The following TRHDE variants were observed in gnomAD, a reference collection of about 807,000 sequenced individuals.
TRHDE encodes the protein thyrotropin releasing hormone degrading enzyme, also known as thyrotropin-releasing hormone-degrading ectoenzyme.
In TRHDE, 72 loss-of-function variants were observed where a neutral mutation model predicts 125.7. The ratio of observed to expected loss-of-function variants is 0.57; its 90% CI spans 0.47 to 0.70. The LOEUF (loss-of-function observed/expected upper bound fraction) is 0.70. Ranked by LOEUF, TRHDE falls within the 30% of genes least tolerant of loss-of-function variation. The probability of loss-of-function intolerance (pLI) is 0.00; values close to 1 mark genes in which losing one functional copy is unlikely to be tolerated. For missense variants in TRHDE, 1,110 were observed against 1,327.1 expected, an observed-to-expected ratio of 0.84 and a Z score of 2.54; for synonymous variants, 509 against 509.1, an observed-to-expected ratio of 1.00 and a Z score of 0.00.
At chr12:72,252,294 T>G (rs1253658660) in intron 2 of TRHDE, among the ~76,000 whole-genome samples, 1 of 152,128 alleles carries the variant, frequency 6.6e-6, no homozygotes, top group African/African-American at 2.4e-5. Flanking sequence ...TTTGGATTAA[T>G]TTTTGTATAA....
intron 3 of TRHDE, among the ~76,000 whole-genome samples, chr12:72,448,152 C>G (rs1875391295): frequency 6.6e-6 from 1 of 151,990 alleles, no homozygotes; most frequent in Non-Finnish European, 1.5e-5. Flanking sequence ...GATTAGGAAA[C>G]ATTTCTTGCT....
At chr12:72,489,204 G>A (rs1000478028) in intron 5 of TRHDE, among the ~76,000 whole-genome samples, 3 of 146,698 alleles carry the variant, frequency 2.0e-5, no homozygotes, top group Non-Finnish European at 4.5e-5. Flanking sequence ...AAATCAATAA[G>A]ACTTAGAGAT....
chr12:72,416,362 GTTTCC>G (rs1292244138), intron 3 of TRHDE, among the ~76,000 whole-genome samples: 1 of 151,830 alleles, frequency 6.6e-6, no homozygotes, highest in Non-Finnish European at 1.5e-5. Context: ...TTTGTTGATT[GTTTCC>G]TTTGCTGTGC....
intron 2 of TRHDE, among the ~76,000 whole-genome samples, chr12:72,181,512 T>C (rs562127956): frequency 1.3e-5 from 2 of 152,334 alleles, no homozygotes; most frequent in Admixed American, 1.3e-4. Context: ...GCAACAATAA[T>C]TTAAATTAAA....
At chr12:72,278,624 A>C (rs542716061) in intron 1 of TRHDE, among the ~76,000 whole-genome samples, 1 of 151,994 alleles carries the variant, frequency 6.6e-6, no homozygotes, top group African/African-American at 2.4e-5. Context: ...TCTTTTGTCT[A>C]TTTGATAATA....
intron 12 of TRHDE, among the ~76,000 whole-genome samples, chr12:72,578,163 T>C (rs1282892920): frequency 6.6e-6 from 1 of 152,204 alleles, no homozygotes; most frequent in East Asian, 1.9e-4. Flanking sequence ...ATACTTATGC[T>C]CCAGGTACTG....
At chr12:72,292,416 T>G (rs1335756980) in intron 2 of TRHDE, among the ~76,000 whole-genome samples, 1 of 152,228 alleles carries the variant, frequency 6.6e-6, no homozygotes, top group African/African-American at 2.4e-5. Flanking sequence ...TAAATTTTGC[T>G]TGAAAACCAG....
At chr12:72,304,578 G>C (rs904141607) in intron 2 of TRHDE, among the ~76,000 whole-genome samples, 6 of 152,100 alleles carry the variant, frequency 3.9e-5, no homozygotes, top group African/African-American at 1.4e-4. Context: ...AAAATACCTA[G>C]TTAAGCTTTA....
At chr12:72,194,018 AT>A (rs1388383781) in intron 2 of TRHDE, among the ~76,000 whole-genome samples, 1 of 152,074 alleles carries the variant, frequency 6.6e-6, no homozygotes. Flanking sequence ...TATTATTTGC[AT>A]TTTTTAATGA....
At chr12:72,286,625 C>T (rs1283233659) in intron 1 of TRHDE, 56 bp from the exon 2 acceptor site, 4 of 1,502,242 alleles carry the variant, frequency 2.7e-6, no homozygotes, top group African/African-American at 1.4e-5. Context: ...TGTAATGTGG[C>T]CATAACTTAA....
intron 3 of TRHDE, among the ~76,000 whole-genome samples, chr12:72,428,846 T>C (rs1181117008): frequency 2.0e-5 from 3 of 152,016 alleles, no homozygotes; most frequent in Non-Finnish European, 4.4e-5. Flanking sequence ...TAAATAAGAG[T>C]CATTCAATAT....
At chr12:72,348,187 T>C (rs946661146) in intron 2 of TRHDE, among the ~76,000 whole-genome samples, 8 of 152,100 alleles carry the variant, frequency 5.3e-5, no homozygotes, top group Non-Finnish European at 8.8e-5. Flanking sequence ...ACATATGCAT[T>C]ACCTCACATA....
At chr12:72,554,079 C>T (rs529879824) in intron 7 of TRHDE, among the ~76,000 whole-genome samples, 1 of 152,058 alleles carries the variant, frequency 6.6e-6, no homozygotes, top group African/African-American at 2.4e-5. Flanking sequence ...AACTCCTGAC[C>T]TCAGGTGATT....
At chr12:72,651,049 T>A (rs1458273211) in intron 15 of TRHDE, among the ~76,000 whole-genome samples, 1 of 152,128 alleles carries the variant, frequency 6.6e-6, no homozygotes, top group Non-Finnish European at 1.5e-5. Flanking sequence ...TTTAATGGTT[T>A]ATTCTATGTC....
chr12:72,602,800 T>C (rs1269757797), intron 12 of TRHDE, among the ~76,000 whole-genome samples: 1 of 152,156 alleles, frequency 6.6e-6, no homozygotes, highest in Non-Finnish European at 1.5e-5. Context: ...ATTAGAACCA[T>C]GTCTGAAATA....
chr12:72,310,800 C>G (rs548097040), intron 2 of TRHDE, among the ~76,000 whole-genome samples: 1 of 152,182 alleles, frequency 6.6e-6, no homozygotes, highest in Non-Finnish European at 1.5e-5. Context: ...AGTCCCTAAT[C>G]AATACCAATT....
intron 1 of TRHDE, among the ~76,000 whole-genome samples, chr12:72,101,409 G>A (rs1358325506): frequency 6.6e-6 from 1 of 152,168 alleles, no homozygotes; most frequent in African/African-American, 2.4e-5. Flanking sequence ...TTTCAAGGAT[G>A]GCTGATGTAC....
At chr12:72,238,362 T>TAC (rs1555170282) in intron 2 of TRHDE, among the ~76,000 whole-genome samples, 9 of 78,460 alleles carry the variant, frequency 1.1e-4, no homozygotes, top group African/African-American at 3.2e-4. Context: ...TATATATATA[T>TAC]ACACATACAT....
At chr12:72,322,155 G>A (rs974151920) in intron 2 of TRHDE, among the ~76,000 whole-genome samples, 1 of 152,080 alleles carries the variant, frequency 6.6e-6, no homozygotes, top group Non-Finnish European at 1.5e-5. Context: ...GAACAGAATG[G>A]CAAAAAATTT....
Sources: gnomAD v4.1 joint callset for allele counts (sites outside exome capture counted in the v4.1 genomes callset) on GRCh38, gnomAD v4.1.1 for gene constraint, MANE v1.5 for transcripts, NCBI Gene and HGNC (gene_info 2026-07-23, HGNC 2026-07-21) for gene names.